The following XPR1 variants were observed in gnomAD, a reference collection of about 807,000 sequenced individuals.
XPR1 encodes the protein xenotropic and polytropic retrovirus receptor 1.
Under a neutral mutation model 87.5 loss-of-function variants are expected in XPR1, and 28 were observed. The ratio of observed to expected loss-of-function variants is 0.32; its 90% CI spans 0.24 to 0.44. The LOEUF is 0.44. Ranked by LOEUF, XPR1 falls within the 20% of genes least tolerant of loss-of-function variation. The pLI, the probability that XPR1 is intolerant of heterozygous loss-of-function variation, is 1.00. For synonymous variants in XPR1, 300 were observed against 306.1 expected (o/e 0.98, Z 0.21); for missense variants, 559 against 862.3 (o/e 0.65, Z 4.41).
chr1:180,816,071 G>A (rs1024624398), intron 7 of XPR1, among the ~76,000 whole-genome samples: 1 of 152,130 alleles, frequency 6.6e-6, no homozygotes, highest in African/African-American at 2.4e-5. Context: ...ATACCATGGA[G>A]ATATTAAGAT....
intron 2 of XPR1, among the ~76,000 whole-genome samples, chr1:180,726,577 A>G (rs904364165): frequency 6.6e-6 from 1 of 152,178 alleles, no homozygotes; most frequent in Admixed American, 6.5e-5. Flanking sequence ...GGTCCCTGAG[A>G]CTGAAAACTG....
chr1:180,722,524 T>G (rs1309359785), intron 2 of XPR1, among the ~76,000 whole-genome samples: 1 of 152,246 alleles, frequency 6.6e-6, no homozygotes, highest in East Asian at 1.9e-4. Flanking sequence ...GCATTTCATA[T>G]TGGCCTGTGG....
At chr1:180,661,385 A>T (rs1013699959) in intron 1 of XPR1, among the ~76,000 whole-genome samples, 1 of 148,808 alleles carries the variant, frequency 6.7e-6, no homozygotes, top group East Asian at 2.0e-4. Flanking sequence ...CCATTTCGTT[A>T]TTTGTTTTCT....
chr1:180,792,293 A>G (rs1043328214), intron 3 of XPR1, among the ~76,000 whole-genome samples: 6 of 152,186 alleles, frequency 3.9e-5, no homozygotes, highest in African/African-American at 7.2e-5. Context: ...AAACCTTTCA[A>G]TGTCCCTAAA....
At chr1:180,860,937 C>T (rs1282581131) in intron 11 of XPR1, among the ~76,000 whole-genome samples, 1 of 151,990 alleles carries the variant, frequency 6.6e-6, no homozygotes, top group Non-Finnish European at 1.5e-5. Flanking sequence ...TAGCACATTG[C>T]TTTTAGTTTC....
chr1:180,648,215 T>C (rs1449967520), intron 1 of XPR1, among the ~76,000 whole-genome samples: 3 of 152,222 alleles, frequency 2.0e-5, no homozygotes, highest in Non-Finnish European at 4.4e-5. Context: ...TGTATATGTG[T>C]ATATATATGT....
At chr1:180,682,676 G>C (rs1216729166) in intron 2 of XPR1, among the ~76,000 whole-genome samples, 1 of 151,990 alleles carries the variant, frequency 6.6e-6, no homozygotes, top group African/African-American at 2.4e-5. Flanking sequence ...TTAGTCAGAA[G>C]TTTTTCTGTG....
chr1:180,822,658 TG>T (rs1188313783), intron 7 of XPR1, among the ~76,000 whole-genome samples: 2 of 152,222 alleles, frequency 1.3e-5, no homozygotes, highest in African/African-American at 4.8e-5. Context: ...TAATATATAC[TG>T]AATACTCATA....
At position 180,753,650 on chromosome 1, in the gene XPR1, T is replaced by C. The variant is rs147432057; in HGVS notation, c.122-34103T>C. On this transcript the variant is annotated intron_variant, in intron 2 of 14. Coordinates refer to ENST00000367590, the MANE Select transcript of XPR1 (RefSeq NM_004736.4). The stretch of plus-strand genomic sequence containing the variant: ...GAGGGGAAGACTAATTTTCTCTTTT[T>C]TTAGTAGTTTTATAATACTCATTTC... Among the ~76,000 whole-genome samples the C allele has an allele frequency of 5.9e-5, 9 of 152,300 alleles. No homozygotes were observed. In the East Asian group the frequency reaches 1.7e-3, roughly 29 times the overall value.
At chr1:180,875,756 A>G (rs146196798) in intron 13 of XPR1, among the ~76,000 whole-genome samples, 3 of 152,230 alleles carry the variant, frequency 2.0e-5, no homozygotes, top group Non-Finnish European at 4.4e-5. Context: ...AATACAGAAA[A>G]TTATTAATGA....
chr1:180,636,612 G>C (rs748785287), intron 1 of XPR1, among the ~76,000 whole-genome samples: 1 of 152,162 alleles, frequency 6.6e-6, no homozygotes, highest in Non-Finnish European at 1.5e-5. Flanking sequence ...TGGAAACTTA[G>C]TCCTAGCTTC....
At chr1:180,633,118 C>T (rs760290248) in intron 1 of XPR1, among the ~76,000 whole-genome samples, 1 of 152,148 alleles carries the variant, frequency 6.6e-6, no homozygotes, top group Non-Finnish European at 1.5e-5. Flanking sequence ...ATCATGCTCC[C>T]CATTCCCTCC....
At chr1:180,663,546 A>G (rs1329047036) in intron 1 of XPR1, among the ~76,000 whole-genome samples, 1 of 152,180 alleles carries the variant, frequency 6.6e-6, no homozygotes, top group African/African-American at 2.4e-5. Context: ...GGGTGACTCA[A>G]GCACCCCTTG....
chr1:180,878,573 G>A (rs1031963328), intron 13 of XPR1, among the ~76,000 whole-genome samples: 2 of 152,156 alleles, frequency 1.3e-5, no homozygotes, highest in Admixed American at 6.5e-5. Flanking sequence ...CTGTTATCAT[G>A]TCTTTTACTG....
chr1:180,790,470 A>G (rs1382401405), intron 3 of XPR1, among the ~76,000 whole-genome samples: 1 of 144,294 alleles, frequency 6.9e-6, no homozygotes, highest in African/African-American at 2.9e-5. Context: ...AGCAAGAGCC[A>G]TGAAAGAACA....
chr1:180,789,455 A>G (rs192060071), intron 3 of XPR1, among the ~76,000 whole-genome samples: 19 of 152,288 alleles, frequency 1.2e-4, no homozygotes, highest in African/African-American at 3.8e-4. Flanking sequence ...CTAGCCTTTT[A>G]GCTTTTTACT....
intron 2 of XPR1, among the ~76,000 whole-genome samples, chr1:180,777,754 T>TG (rs938935265): frequency 2.0e-5 from 3 of 152,210 alleles, no homozygotes; most frequent in Non-Finnish European, 4.4e-5. Context: ...CACCTTTTTT[T>TG]GGTACAAGCA....
chr1:180,843,150 A>T (rs981844279), intron 11 of XPR1, among the ~76,000 whole-genome samples: 1 of 152,194 alleles, frequency 6.6e-6, no homozygotes, highest in Non-Finnish European at 1.5e-5. Flanking sequence ...CTGGGGTATG[A>T]CCAGTTTATT....
intron 2 of XPR1, among the ~76,000 whole-genome samples, chr1:180,739,260 C>T (rs1658842297): frequency 6.6e-6 from 1 of 152,116 alleles, no homozygotes; most frequent in African/African-American, 2.4e-5. Flanking sequence ...TGCCAAATAC[C>T]ACAGTGCCCA....
Sources: gnomAD v4.1 joint callset for allele counts (sites outside exome capture counted in the v4.1 genomes callset) on GRCh38, gnomAD v4.1.1 for gene constraint, MANE v1.5 for transcripts, NCBI Gene and HGNC (gene_info 2026-07-23, HGNC 2026-07-21) for gene names.